Variants in RSPH14 observed in about 807,000 individuals in gnomAD.
RSPH14 encodes the protein radial spoke head 14 homolog, also known as rhabdoid tumor deletion region gene 1.
Under a neutral mutation model 26.7 loss-of-function variants are expected in RSPH14, and 20 were observed. That is an observed-to-expected ratio of 0.75 (90% CI 0.53 to 1.09). The LOEUF is 1.09. Ranked by LOEUF, RSPH14 falls within the 50% of genes least tolerant of loss-of-function variation. The probability of loss-of-function intolerance (pLI) is 0.00; values close to 1 mark genes in which losing one functional copy is unlikely to be tolerated. For synonymous variants in RSPH14, 177 were observed against 189.3 expected, an observed-to-expected ratio of 0.93 and a Z score of 0.53; for missense variants, 449 against 457.2, an observed-to-expected ratio of 0.98 and a Z score of 0.16.
chr22:23,067,416 G>A (rs182686584), intron 4 of RSPH14, among the ~76,000 whole-genome samples: 4 of 152,270 alleles, frequency 2.6e-5, no homozygotes, highest in East Asian at 3.9e-4. Flanking sequence ...GGTTCTGGTC[G>A]CAGCCACACC....
upstream of RSPH14, among the ~76,000 whole-genome samples, chr22:23,146,316 C>T (rs944870547): frequency 5.9e-5 from 9 of 152,218 alleles, no homozygotes; most frequent in African/African-American, 9.6e-5. Context: ...TCAAGCATTC[C>T]TCCCACCTTC....
At position 23,064,004 on chromosome 22, in the gene RSPH14, G is replaced by A. The variant is rs77029537; in HGVS notation, c.551C>T (p.Thr184Ile). ...TLVLCLQEDA[T>I]EALGSNVVLV... is the part of the protein sequence containing the mutation. ...CACCACATTGCTGCCCAGGGCCTCG[G>A]TGGCATCCTCCTGCAGGCAGAGGAC... The change falls in exon 5 of 7, where the codon ACC (threonine) becomes ATC (isoleucine). Residue 184 changes from threonine to isoleucine, a missense_variant. Physicochemically the swap from Thr to Ile is moderately conservative, Grantham distance 89. Coordinates refer to ENST00000216036, the MANE Select transcript of RSPH14 (RefSeq NM_014433.3). 2,081 of 1,614,218 alleles carry A rather than the reference G, an allele frequency of 1.3e-3. 27 individuals are homozygous for A. In the African/African-American group the frequency reaches 0.025, roughly 19 times the overall value.
At chr22:23,075,380 T>G (rs1233253076) in intron 4 of RSPH14, among the ~76,000 whole-genome samples, 1 of 152,194 alleles carries the variant, frequency 6.6e-6, no homozygotes, top group Non-Finnish European at 1.5e-5. Context: ...TTCTTGCCCC[T>G]TGGTCTGTGG....
In RSPH14 at chr22:23,059,678, G is replaced by T; in HGVS notation, c.831C>A (p.Leu277=). Residue 277 remains leucine (L), a synonymous_variant, in exon 7 of 7, where the codon CTC becomes CTA. Coordinates refer to ENST00000216036, the MANE Select transcript of RSPH14 (RefSeq NM_014433.3). Reference sequence around the variant, plus strand: ...TCATGGGGGAGTGCAGCAGCTCCAGGAGCAGGCCGATGGCTTGTGCCTCCA... The same window carrying T: ...TCATGGGGGAGTGCAGCAGCTCCAGTAGCAGGCCGATGGCTTGTGCCTCCA... ...AALEAQAIGL[L]LELLHSPMTI... The T allele has an allele frequency of 6.4e-7, 1 of 1,569,540 alleles. No individual in the cohort carries two copies. Among genetic ancestry groups the T allele is most frequent in the Non-Finnish European group, 8.6e-7 (1 of 1,157,052 alleles).
At chr22:23,065,008 G>C (rs1213976733) in intron 4 of RSPH14, among the ~76,000 whole-genome samples, 1 of 152,186 alleles carries the variant, frequency 6.6e-6, no homozygotes, top group African/African-American at 2.4e-5. Context: ...ACGGCACGCA[G>C]CTGCCCTCGC....
At chr22:23,102,849 C>T (rs2069346333) in intron 4 of RSPH14, among the ~76,000 whole-genome samples, 1 of 152,218 alleles carries the variant, frequency 6.6e-6, no homozygotes, top group African/African-American at 2.4e-5. Context: ...CTTGGCAGAA[C>T]CTCCATGGGG....
intron 4 of RSPH14, among the ~76,000 whole-genome samples, chr22:23,126,013 C>G (rs949147142): frequency 3.3e-5 from 5 of 152,264 alleles, no homozygotes; most frequent in African/African-American, 2.4e-5. Context: ...CACGCAGGGA[C>G]TCCCTTCACA....
the RSPH14 span, among the ~76,000 whole-genome samples, chr22:23,166,864 G>A: frequency 6.6e-6 from 1 of 152,150 alleles, no homozygotes; most frequent in Non-Finnish European, 1.5e-5. Context: ...CAAAGCAGAA[G>A]TCATCCAGGA....
intron 2 of RSPH14, among the ~76,000 whole-genome samples, chr22:23,139,565 G>A (rs2070552795): frequency 6.6e-6 from 1 of 152,250 alleles, no homozygotes; most frequent in South Asian, 2.1e-4. Flanking sequence ...AGGTTTCAGT[G>A]AGCCAAGATC....
chr22:23,179,714 G>A, the RSPH14 span: 143 of 170,432 alleles, frequency 8.4e-4, 1 homozygote, highest in African/African-American at 3.2e-3. Context: ...AACCCGTGTG[G>A]CAGCCACCCA....
intron 4 of RSPH14, among the ~76,000 whole-genome samples, chr22:23,104,539 C>T (rs962962916): frequency 6.6e-6 from 1 of 152,200 alleles, no homozygotes; most frequent in African/African-American, 2.4e-5. Context: ...CTGCTCAGTA[C>T]ACACACATGA....
chr22:23,141,406 A>G (rs2070598990), intron 1 of RSPH14, among the ~76,000 whole-genome samples: 1 of 150,926 alleles, frequency 6.6e-6, no homozygotes, highest in Non-Finnish European at 1.5e-5. Flanking sequence ...TGGGCAGTGT[A>G]GGTTAGTAGT....
the RSPH14 span, chr22:23,180,727 A>G: frequency 6.7e-6 from 1 of 148,804 alleles, no homozygotes; most frequent in Non-Finnish European, 1.5e-5. Context: ...CCCCGCACAC[A>G]ATAGCGGCGC....
At chr22:23,159,062 G>T in the RSPH14 span, 2 of 1,588,638 alleles carry the variant, frequency 1.3e-6, no homozygotes, top group South Asian at 2.2e-5. Context: ...GCCATGGGGA[G>T]GGAGGGAGGC....
At chr22:23,134,388 A>G (rs1403153571) in intron 3 of RSPH14, among the ~76,000 whole-genome samples, 1 of 152,024 alleles carries the variant, frequency 6.6e-6, no homozygotes, top group Non-Finnish European at 1.5e-5. Flanking sequence ...CCTTGCCTCC[A>G]CATCTATGTA....
chr22:23,122,820 A>G (rs2146402636), intron 4 of RSPH14: 1 of 541,094 alleles, frequency 1.8e-6, no homozygotes. Context: ...ATATGTTGAG[A>G]TCACTGGCAC....
intron 4 of RSPH14, among the ~76,000 whole-genome samples, chr22:23,128,204 A>G (rs2070231348): frequency 6.6e-6 from 1 of 152,164 alleles, no homozygotes; most frequent in South Asian, 2.1e-4. Flanking sequence ...AGAATTGTCA[A>G]TTTCAGCCAC....
chr22:23,169,758 C>A, the RSPH14 span, among the ~76,000 whole-genome samples: 1 of 152,144 alleles, frequency 6.6e-6, no homozygotes, highest in Non-Finnish European at 1.5e-5. Flanking sequence ...GTGTGACCCT[C>A]ATGAGCAGAG....
rs576096990 is a variant in RSPH14, at chr22:23,133,939, C to G, written c.421+87G>C. On this transcript the variant is annotated intron_variant, in intron 4 of 6. Coordinates refer to ENST00000216036, the MANE Select transcript of RSPH14 (RefSeq NM_014433.3). Reference sequence around the variant, plus strand: ...TGTAATTTAATAAAAAGTGGACGATCTACACCCTGGTACATATGTGACCTG... The same window carrying G: ...TGTAATTTAATAAAAAGTGGACGATGTACACCCTGGTACATATGTGACCTG... 48 of 887,692 alleles carry G rather than the reference C, an allele frequency of 5.4e-5. No individual in the cohort carries two copies. The African/African-American group carries it at 6.2e-4, about 12-fold the overall frequency. 55.0% of individuals were successfully genotyped at this position (887,692 alleles called of 1,614,324 possible).
Sources: gnomAD v4.1 joint callset for allele counts (sites outside exome capture counted in the v4.1 genomes callset) on GRCh38, gnomAD v4.1.1 for gene constraint, MANE v1.5 for transcripts, NCBI Gene and HGNC (gene_info 2026-07-23, HGNC 2026-07-21) for gene names.